The following DMD variants were observed in gnomAD, a reference collection of about 807,000 sequenced individuals.
DMD encodes the protein dystrophin, also known as mutant dystrophin.
DMD carries 63 observed loss-of-function variants against 330.1 expected under a neutral mutation model. That is an observed-to-expected ratio of 0.19 (90% confidence interval 0.16 to 0.24). DMD has a LOEUF of 0.24. DMD is among the 10% of genes least tolerant of loss of function. The pLI is 1.00. For missense variants in DMD, 3,344 were observed against 2,684.1 expected (o/e 1.25, Z -5.43); for synonymous variants, 1,223 against 959.8 (o/e 1.27, Z -5.07).
intron 76 of DMD, among the ~76,000 whole-genome samples, chrX:31,143,899 T>C (rs1011517901): frequency 8.9e-6 from 1 of 112,236 alleles, no homozygotes; most frequent in Non-Finnish European, 1.9e-5. Context: ...TAAAGCTCAG[T>C]TGTTTTCAGA....
At chrX:33,159,278 G>T (rs1397888403) in intron 1 of DMD, 2 of 111,506 alleles carry the variant, frequency 1.8e-5, no homozygotes, top group Non-Finnish European at 3.8e-5. Flanking sequence ...TTTGCCTGTT[G>T]CAGACCTCAA....
At chrX:31,887,169 A>G (rs1316212432) in intron 47 of DMD, among the ~76,000 whole-genome samples, 1 of 112,058 alleles carries the variant, frequency 8.9e-6, no homozygotes, top group Non-Finnish European at 1.9e-5. Context: ...AATATACTAT[A>G]TGAGTGCAAA....
In DMD at chrX:31,822,860, CTCCTTTT is replaced by C. The variant is rs767040858; in HGVS notation, c.7201-2784_7201-2778del. 6.0e-3 allele frequency among the ~76,000 whole-genome samples: 661 copies of C among 110,320 alleles called. 5 individuals carry two copies. The highest frequency in any genetic ancestry group is 0.021 in the African/African-American group (623 of 30,236). ...TAATTCATAGTACCCCCTGATTTTT[CTCCTTTT>C]TCCTTTTTACCTTTGTTAGATGCCC... On this transcript the variant is annotated intron_variant, in intron 49 of 78. Transcript: ENST00000357033.
chrX:31,825,708 G>C (rs908049758), intron 49 of DMD, among the ~76,000 whole-genome samples: 4 of 111,687 alleles, frequency 3.6e-5, no homozygotes, highest in African/African-American at 1.3e-4. Flanking sequence ...TCACTAAACA[G>C]AGCAAAAATT....
intron 7 of DMD, among the ~76,000 whole-genome samples, chrX:32,712,116 A>G (rs1452699155): frequency 8.9e-6 from 1 of 112,105 alleles, no homozygotes; most frequent in Non-Finnish European, 1.9e-5. Context: ...AATTAATTTC[A>G]GTAATGCATG....
chrX:32,942,550 A>G (rs1345553664), intron 2 of DMD, among the ~76,000 whole-genome samples: 1 of 110,971 alleles, frequency 9.0e-6, no homozygotes. Context: ...CTCAAAAAAC[A>G]AAAAAAGAAA....
At chrX:31,630,156 C>T (rs2079060404) in intron 54 of DMD, among the ~76,000 whole-genome samples, 1 of 111,566 alleles carries the variant, frequency 9.0e-6, no homozygotes, top group South Asian at 3.8e-4. Flanking sequence ...AAATGCAATG[C>T]ACATAAATCA....
intron 62 of DMD, among the ~76,000 whole-genome samples, chrX:31,273,001 TATTTGAGGTGAGAAAAAAAATTAA>T (rs768747610): frequency 1.8e-5 from 2 of 112,115 alleles, no homozygotes; most frequent in African/African-American, 6.5e-5. Context: ...TATTTTGGTG[TATTTGAGGTGAGAAAAAAAATTAA>T]ATTTTAGTTT....
intron 53 of DMD, among the ~76,000 whole-genome samples, chrX:31,677,808 C>T (rs1197044812): frequency 1.8e-5 from 2 of 112,295 alleles, no homozygotes; most frequent in Non-Finnish European, 1.9e-5. Context: ...CAGGTCCCTT[C>T]GATAAAATGG....
intron 44 of DMD, among the ~76,000 whole-genome samples, chrX:32,122,778 A>G (rs2096642461): frequency 9.0e-6 from 1 of 111,205 alleles, no homozygotes; most frequent in African/African-American, 3.3e-5. Flanking sequence ...ATCTAGACAA[A>G]TGAGGCAAAA....
chrX:33,130,322 T>C (rs2095491727), intron 1 of DMD, among the ~76,000 whole-genome samples: 1 of 111,699 alleles, frequency 9.0e-6, no homozygotes, highest in Non-Finnish European at 1.9e-5. Context: ...ACACTGTAGC[T>C]AAGGATTGCT....
At chrX:31,214,596 G>T (rs956046481) in intron 64 of DMD, among the ~76,000 whole-genome samples, 1 of 112,243 alleles carries the variant, frequency 8.9e-6, no homozygotes, top group East Asian at 2.8e-4. Flanking sequence ...ACAGTAAAGT[G>T]TCAGTTGTTT....
At chrX:33,135,745 A>G in intron 1 of DMD, among the ~76,000 whole-genome samples, 1 of 112,131 alleles carries the variant, frequency 8.9e-6, no homozygotes, top group Non-Finnish European at 1.9e-5. Flanking sequence ...TTATTGCACC[A>G]ATTTTCACAT....
intron 47 of DMD, among the ~76,000 whole-genome samples, chrX:31,925,750 T>C (rs1420660070): frequency 9.2e-6 from 1 of 108,571 alleles, no homozygotes; most frequent in Non-Finnish European, 1.9e-5. Context: ...TGCATGCCTG[T>C]AATCCCAGCT....
chrX:31,719,953 G>A (rs765327672), intron 52 of DMD, among the ~76,000 whole-genome samples: 32 of 111,689 alleles, frequency 2.9e-4, no homozygotes, highest in Non-Finnish European at 5.3e-4. Context: ...ATGAGTGATC[G>A]TGAGACAGAA....
At chrX:31,266,711 C>T (rs1220131726) in intron 62 of DMD, 2 of 896,203 alleles carry the variant, frequency 2.2e-6, no homozygotes, top group Non-Finnish European at 3.2e-6. Flanking sequence ...CCAGCCGCCG[C>T]GCCTGTCCAA....
chrX:31,512,758 T>G (rs1315967722), intron 55 of DMD, among the ~76,000 whole-genome samples: 7 of 111,807 alleles, frequency 6.3e-5, no homozygotes, highest in Admixed American at 3.8e-4. Flanking sequence ...TAGTTTGAAG[T>G]CAGCTAGTGT....
At chrX:32,238,385 C>A (rs542968420) in intron 43 of DMD, among the ~76,000 whole-genome samples, 1 of 109,837 alleles carries the variant, frequency 9.1e-6, no homozygotes, top group African/African-American at 3.3e-5. Context: ...AGTTTCTCAG[C>A]ATACGTGCAT....
At chrX:33,166,307 A>C (rs1313207988) in intron 1 of DMD, among the ~76,000 whole-genome samples, 1 of 111,254 alleles carries the variant, frequency 9.0e-6, no homozygotes, top group African/African-American at 3.3e-5. Context: ...TTAAAAGTGA[A>C]ATAAGATATA....
Sources: allele counts gnomAD v4.1 joint callset (sites outside exome capture counted in the v4.1 genomes callset), GRCh38; gene constraint gnomAD v4.1.1; transcripts MANE v1.5; gene names NCBI Gene and HGNC (gene_info 2026-07-23, HGNC 2026-07-21).